GRM8: variants seen among roughly 807,000 people sequenced by gnomAD.
GRM8 encodes metabotropic glutamate receptor 8.
A neutral mutation model predicts 87.2 loss-of-function variants in GRM8; 47 were observed. That is an observed-to-expected ratio of 0.54 (90% CI 0.43 to 0.69). The LOEUF is 0.69. GRM8 is among the 30% of genes least tolerant of loss of function. The probability of loss-of-function intolerance (pLI) is 0.00; values close to 1 mark genes in which losing one functional copy is unlikely to be tolerated. For synonymous variants in GRM8, 396 were observed against 404.5 expected (o/e 0.98, Z 0.25); for missense variants, 1,019 against 1,139.2 (o/e 0.89, Z 1.52).
chr7:127,128,121 G>T (rs1039169549), intron 2 of GRM8, among the ~76,000 whole-genome samples: 3 of 152,008 alleles, frequency 2.0e-5, no homozygotes, highest in Non-Finnish European at 4.4e-5. Context: ...AAAAGATAAA[G>T]GGTCTTAAAA....
intron 2 of GRM8, among the ~76,000 whole-genome samples, chr7:127,201,624 T>A (rs552322164): frequency 6.6e-6 from 1 of 152,282 alleles, no homozygotes; most frequent in East Asian, 1.9e-4. Context: ...CATGTTGCAA[T>A]AAAATGCAAA....
intron 7 of GRM8, among the ~76,000 whole-genome samples, chr7:126,631,056 A>T (rs533136844): frequency 1.1e-4 from 17 of 152,198 alleles, no homozygotes; most frequent in Admixed American, 2.6e-4. Flanking sequence ...ATAAAAAAAT[A>T]AAGGGTATTC....
At chr7:126,722,916 A>AATATGTTATATATATATAATTATAT (rs1563125041) in intron 7 of GRM8, among the ~76,000 whole-genome samples, 7 of 146,778 alleles carry the variant, frequency 4.8e-5, no homozygotes, top group African/African-American at 1.7e-4. Flanking sequence ...TTATATATAT[A>AATATGTTATATATATATAATTATAT]ATATGTTATA....
chr7:126,938,978 T>C (rs1231982276), intron 3 of GRM8, among the ~76,000 whole-genome samples: 1 of 152,154 alleles, frequency 6.6e-6, no homozygotes, highest in African/African-American at 2.4e-5. Context: ...CAGTTTCCTG[T>C]GGATCAAATG....
intron 6 of GRM8, among the ~76,000 whole-genome samples, chr7:126,807,126 G>A (rs1792850617): frequency 6.6e-6 from 1 of 152,234 alleles, no homozygotes; most frequent in Non-Finnish European, 1.5e-5. Context: ...GAGACATGAA[G>A]TACACAAGCA....
At chr7:126,814,082 C>T (rs1375913487) in intron 6 of GRM8, among the ~76,000 whole-genome samples, 1 of 152,064 alleles carries the variant, frequency 6.6e-6, no homozygotes, top group Non-Finnish European at 1.5e-5. Context: ...TACTGGTTAT[C>T]TATCTATGAA....
intron 7 of GRM8, among the ~76,000 whole-genome samples, chr7:126,713,777 G>C (rs1811394950): frequency 6.6e-6 from 1 of 151,936 alleles, no homozygotes. Flanking sequence ...TGATGATCTA[G>C]GGTACAGCAT....
chr7:126,457,106 T>TA (rs1803341607), intron 9 of GRM8, among the ~76,000 whole-genome samples: 1 of 151,448 alleles, frequency 6.6e-6, no homozygotes, highest in Admixed American at 6.6e-5. Context: ...AGTCAAAAAT[T>TA]ATAGGAGTGA....
At chr7:126,782,202 T>A (rs1020746644) in intron 6 of GRM8, among the ~76,000 whole-genome samples, 2 of 152,184 alleles carry the variant, frequency 1.3e-5, no homozygotes, top group African/African-American at 4.8e-5. Context: ...TGTATTGCCA[T>A]AAACAATATA....
intron 7 of GRM8, 28 bp downstream of exon 7, chr7:126,769,837 A>T: frequency 2.8e-6 from 4 of 1,417,456 alleles, no homozygotes; most frequent in Non-Finnish European, 4.0e-6. Context: ...CTTTTAATGT[A>T]TTTAGACACA....
chr7:126,601,807 A>G (rs1188990228), intron 8 of GRM8, among the ~76,000 whole-genome samples: 24 of 142,878 alleles, frequency 1.7e-4, no homozygotes, highest in Non-Finnish European at 2.7e-4. Flanking sequence ...AATTTGTTTG[A>G]GTTCATTGTA....
intron 7 of GRM8, among the ~76,000 whole-genome samples, chr7:126,683,229 T>C (rs1431578848): frequency 6.6e-6 from 1 of 152,158 alleles, no homozygotes; most frequent in East Asian, 1.9e-4. Context: ...CCTAACATAA[T>C]TGAATTATTG....
Position 126,955,387 on chromosome 7 carries a change from A to T in GRM8, c.728-50704T>A, listed in dbSNP as rs181271868. Among the ~76,000 whole-genome samples the T allele has an allele frequency of 2.4e-4, 37 of 152,308 alleles. No homozygotes were observed. The East Asian group carries it at 6.8e-3, about 28-fold the overall frequency. ...TTCCTCTTGGCTGGATGCAAAAACT[A>T]GAACTGCAGAAAAGTTCTCAATAAA... On this transcript the variant is annotated intron_variant, in intron 3 of 10. Transcript: ENST00000339582.
intron 7 of GRM8, among the ~76,000 whole-genome samples, chr7:126,750,637 C>T (rs1287202719): frequency 6.6e-6 from 1 of 152,056 alleles, no homozygotes; most frequent in Non-Finnish European, 1.5e-5. Context: ...TTTGTTTTAG[C>T]CACTGTCTTC....
chr7:127,214,529 A>G (rs906008817), intron 2 of GRM8, among the ~76,000 whole-genome samples: 3 of 152,228 alleles, frequency 2.0e-5, no homozygotes, highest in Admixed American at 2.0e-4. Context: ...CACAGTTCCA[A>G]GTGGCTGGGG....
chr7:126,484,122 G>A (rs979425702), intron 9 of GRM8, among the ~76,000 whole-genome samples: 2 of 151,996 alleles, frequency 1.3e-5, no homozygotes, highest in African/African-American at 4.8e-5. Context: ...ACTTGATGGA[G>A]AAAAATATTA....
At chr7:127,084,074 A>G (rs1008407436) in intron 3 of GRM8, among the ~76,000 whole-genome samples, 4 of 152,212 alleles carry the variant, frequency 2.6e-5, no homozygotes, top group Admixed American at 2.6e-4. Flanking sequence ...TAGTGAGGGA[A>G]AAAAGTACTT....
At chr7:126,934,518 A>G (rs1228128393) in intron 3 of GRM8, among the ~76,000 whole-genome samples, 2 of 152,214 alleles carry the variant, frequency 1.3e-5, no homozygotes, top group Non-Finnish European at 2.9e-5. Flanking sequence ...AAAAACATTA[A>G]ATAGTATGAG....
At chr7:126,622,877 C>T (rs1258001148) in intron 7 of GRM8, among the ~76,000 whole-genome samples, 2 of 152,176 alleles carry the variant, frequency 1.3e-5, no homozygotes, top group Non-Finnish European at 2.9e-5. Flanking sequence ...AATTTAACCT[C>T]ATTCCTCCAC....
Sources: gnomAD v4.1 joint callset for allele counts (sites outside exome capture counted in the v4.1 genomes callset) on GRCh38, gnomAD v4.1.1 for gene constraint, MANE v1.5 for transcripts, NCBI Gene and HGNC (gene_info 2026-07-23, HGNC 2026-07-21) for gene names.